The following GGA3 variants were observed in gnomAD, a reference collection of about 807,000 sequenced individuals.
GGA3 encodes the protein golgi associated, gamma adaptin ear containing, ARF binding protein 3.
Under a neutral mutation model 77.5 loss-of-function variants are expected in GGA3, and 57 were observed. The ratio of observed to expected loss-of-function variants is 0.74; its 90% confidence interval spans 0.59 to 0.92. GGA3 has a LOEUF of 0.92. GGA3 is among the 40% of genes least tolerant of loss of function. The probability of loss-of-function intolerance (pLI) is 0.00; values close to 1 mark genes in which losing one functional copy is unlikely to be tolerated. For synonymous variants in GGA3, 416 were observed against 383.7 expected (o/e 1.08, Z -0.98); for missense variants, 970 against 914.9 (o/e 1.06, Z -0.78).
intron 1 of GGA3, among the ~76,000 whole-genome samples, chr17:75,257,227 C>T (rs2077180627): frequency 6.6e-6 from 1 of 150,668 alleles, no homozygotes; most frequent in African/African-American, 2.4e-5. Flanking sequence ...ATAGATGCTC[C>T]TTTTTATTAG....
chr17:75,257,593 A>C (rs1212476846), intron 1 of GGA3, among the ~76,000 whole-genome samples: 2 of 151,868 alleles, frequency 1.3e-5, no homozygotes, highest in Non-Finnish European at 2.9e-5. Flanking sequence ...TATTCCACTT[A>C]GTTTTTCAAT....
chr17:75,238,837 G>A, intron 15 of GGA3, 75 bp from the exon 16 acceptor site: 1 of 1,569,882 alleles, frequency 6.4e-7, no homozygotes, highest in Admixed American at 1.7e-5. Flanking sequence ...CACACACACT[G>A]CCACCTGCTG....
chr17:75,261,921 G>C (rs376833953), upstream of GGA3: 48 of 1,609,002 alleles, frequency 3.0e-5, no homozygotes, highest in Non-Finnish European at 4.0e-5. Context: ...CCGCAGTGAA[G>C]GTTGCCCGAG....
Position 75,243,068 on chromosome 17 carries a change from A to C in GGA3, c.523T>G (p.Ser175Ala). 6.2e-7 allele frequency: 1 copy of C among 1,609,772 alleles called. No homozygotes were observed. The highest frequency in any genetic ancestry group is 8.5e-7 in the Non-Finnish European group (1 of 1,176,220). ...KNPVFDDEEKSKLLAKLLKSK... is the reference protein window; with the variant it reads ...KNPVFDDEEKAKLLAKLLKSK... ...AGGCCCAGGGTGTCCTTTACCTTGG[A>C]CTTCTCCTCATCATCAAAAACAGGG... Residue 175 changes from serine (S) to alanine (A), a missense_variant, in exon 6 of 17, where the codon TCC (serine) becomes GCC (alanine). Transcript: ENST00000537686.
intron 1 of GGA3, 108 bp from the exon 2 acceptor site, chr17:75,246,904 T>C (rs1452265565): frequency 4.9e-6 from 4 of 813,360 alleles, no homozygotes; most frequent in Non-Finnish European, 8.2e-6. Flanking sequence ...TCAACTTTAC[T>C]CTCTAATAGA....
At chr17:75,249,455 T>C (rs1250699115) in intron 1 of GGA3, among the ~76,000 whole-genome samples, 1 of 152,216 alleles carries the variant, frequency 6.6e-6, no homozygotes, top group Admixed American at 6.5e-5. Context: ...TAATCAAGGG[T>C]AGCCATTTGG....
rs781690480 is a variant in GGA3 at position 75,238,381 on chromosome 17, C to A, written c.2070G>T (p.Val690=). Residue 690 remains valine (V), a synonymous_variant, in exon 17 of 17, where the codon GTG becomes GTT. Coordinates refer to ENST00000537686, the MANE Select transcript of GGA3 (RefSeq NM_138619.4). ...CGAAGGTCAGCTTATACCGAAGCCG[C>A]ACCTTCTCCTGTGACAGAGGGCAGC... ...MLLANPLKEK[V]RLRYKLTFAL... The A allele has an allele frequency of 1.2e-5, 19 of 1,613,444 alleles. No individual in the cohort carries two copies. Among genetic ancestry groups the A allele is most frequent in the Non-Finnish European group, 1.6e-5 (19 of 1,179,872 alleles).
At chr17:75,240,764 C>T (rs1289240068) in intron 11 of GGA3, 48 bp downstream of exon 11, 2 of 1,561,272 alleles carry the variant, frequency 1.3e-6, no homozygotes, top group Admixed American at 3.7e-5. Context: ...CACCCTTCCT[C>T]CCAGAGCCCT....
At position 75,239,505 on chromosome 17, in the gene GGA3, G is replaced by T; in HGVS notation, c.1650C>A (p.Leu550=). 3 of 1,575,952 alleles carry T rather than the reference G, an allele frequency of 1.9e-6. No homozygotes were observed. The highest frequency in any genetic ancestry group is 1.7e-6 in the Non-Finnish European group (2 of 1,165,412). The stretch of plus-strand genomic sequence containing the variant: ...TGCCGGGCCCCGTGGAGAAGGGCAG[G>T]AGGGGCCTGGCTGGGGTGGTGGTGG... ...LIPTTTPARP[L]LPFSTGPGSP... Residue 550 remains leucine, a synonymous_variant, in exon 14 of 17, where the codon CTC becomes CTA. Coordinates refer to ENST00000537686, the MANE Select transcript of GGA3 (RefSeq NM_138619.4).
intron 1 of GGA3, among the ~76,000 whole-genome samples, chr17:75,247,029 A>G (rs2076784668): frequency 6.6e-6 from 1 of 152,196 alleles, no homozygotes; most frequent in Non-Finnish European, 1.5e-5. Context: ...AATAAAAGAG[A>G]AAACAAATTC....
chr17:75,258,928 C>T lies in GGA3; in HGVS notation c.40+2620G>A, dbSNP rs2077247973. Reference sequence around the variant, plus strand: ...ATCCCCAGTTCCCTAAAGAGAATGCCGGCGTTTTAGCACTGCCTTGTATCT... The same window carrying T: ...ATCCCCAGTTCCCTAAAGAGAATGCTGGCGTTTTAGCACTGCCTTGTATCT... On this transcript the variant is annotated intron_variant, in intron 1 of 16. Coordinates refer to ENST00000537686, the MANE Select transcript of GGA3 (RefSeq NM_138619.4). Among the ~76,000 whole-genome samples, 8 of 151,370 alleles carry T rather than the reference C, an allele frequency of 5.3e-5. No individual in the cohort carries two copies. The South Asian group carries it at 1.5e-3, about 28-fold the overall frequency.
At chr17:75,242,083 A>G (rs1162918612) in intron 8 of GGA3, 1 of 579,494 alleles carries the variant, frequency 1.7e-6, no homozygotes, top group Non-Finnish European at 3.1e-6. Context: ...GTGAGCACCG[A>G]GAGTGTGGTC....
At chr17:75,254,826 C>T (rs192796226) in intron 1 of GGA3, among the ~76,000 whole-genome samples, 43 of 152,356 alleles carry the variant, frequency 2.8e-4, no homozygotes, top group Admixed American at 2.6e-3. Context: ...TCCTCCATAA[C>T]TGCCTCCCCC....
chr17:75,247,419 T>A (rs551341670), intron 1 of GGA3, among the ~76,000 whole-genome samples: 1 of 152,248 alleles, frequency 6.6e-6, no homozygotes, highest in Non-Finnish European at 1.5e-5. Context: ...CATACCACCA[T>A]GCCCAACTAA....
At chr17:75,241,780 G>T in intron 8 of GGA3, 84 bp from the exon 9 acceptor site, 2 of 1,218,192 alleles carry the variant, frequency 1.6e-6, no homozygotes, top group South Asian at 2.4e-5. Flanking sequence ...CCCAGAAAAT[G>T]ACCGGGATAT....
intron 1 of GGA3, chr17:75,248,734 C>T (rs1171249902): frequency 1.7e-5 from 8 of 470,792 alleles, no homozygotes; most frequent in African/African-American, 1.3e-4. Flanking sequence ...TGCCTTGAGC[C>T]GAGATCGTGC....
intron 12 of GGA3, 88 bp from the exon 13 acceptor site, chr17:75,240,196 G>C (rs2076493345): frequency 1.6e-6 from 2 of 1,248,474 alleles, no homozygotes; most frequent in Non-Finnish European, 2.3e-6. Context: ...GGACTGCACG[G>C]AAGACAGCCC....
At chr17:75,261,367 C>T (rs2077367340) in intron 1 of GGA3, among the ~76,000 whole-genome samples, 181 bp downstream of exon 1, 1 of 152,252 alleles carries the variant, frequency 6.6e-6, no homozygotes, top group Non-Finnish European at 1.5e-5. Flanking sequence ...AAGCGGGGGC[C>T]GGACTGGGGC....
Position 75,241,785 on chromosome 17 carries a change from G to C in GGA3, c.748-89C>G, listed in dbSNP as rs140930532. 1,571 of 1,151,688 alleles carry C rather than the reference G, an allele frequency of 1.4e-3. 32 individuals carry two copies. In the Admixed American group the frequency reaches 0.025, roughly 19 times the overall value. The allele number at this position is 1,151,688 out of a possible 1,614,324, so 71.3% of individuals were successfully genotyped here. A position where few individuals can be genotyped will look rare whatever the true frequency, so the allele number is the denominator to read the frequency against. ...AGGGTTCATGCCCAGAAAATGACCG[G>C]GATATGCCAATTGCCACGGTCAATT... On this transcript the variant is annotated intron_variant, in intron 8 of 16. Transcript: ENST00000537686.
Sources: gnomAD v4.1 joint callset for allele counts (sites outside exome capture counted in the v4.1 genomes callset) on GRCh38, gnomAD v4.1.1 for gene constraint, MANE v1.5 for transcripts, NCBI Gene and HGNC (gene_info 2026-07-23, HGNC 2026-07-21) for gene names.